TMEM98: variants seen among roughly 807,000 people sequenced by gnomAD.
TMEM98 encodes the protein transmembrane protein 98.
TMEM98 carries 18 observed loss-of-function variants against 25.0 expected under a neutral mutation model. The ratio of observed to expected loss-of-function variants is 0.72; its 90% CI spans 0.50 to 1.07. The LOEUF is 1.07. Ranked by LOEUF, TMEM98 falls within the 50% of genes least tolerant of loss-of-function variation. The probability of loss-of-function intolerance (pLI) is 0.00; values close to 1 mark genes in which losing one functional copy is unlikely to be tolerated. For missense variants in TMEM98, 241 were observed against 289.0 expected, an observed-to-expected ratio of 0.83 and a Z score of 1.20; for synonymous variants, 103 against 112.4, an observed-to-expected ratio of 0.92 and a Z score of 0.53.
rs771397935 is a variant in TMEM98, at chr17:32,931,672, A to G, written c.131+13A>G. On this transcript the variant is annotated intron_variant, in intron 3 of 7. Transcript: ENST00000579849. ...GCTATGATTCTAAGTGAGTGAGCCT[A>G]TGGAGGGCAAGGAGGAGGGGTGGGC... The G allele has an allele frequency of 1.7e-5, 27 of 1,603,234 alleles. No individual in the cohort carries two copies. In the South Asian group the frequency reaches 2.4e-4, roughly 14 times the overall value.
chr17:32,931,646 C>T lies in TMEM98; in HGVS notation c.118C>T (p.Arg40Cys), dbSNP rs766488068. Residue 40 changes from arginine to cysteine, a missense_variant, in exon 3 of 8, where the codon CGC (arginine) becomes TGC (cysteine). By Grantham distance (180) the Arg-to-Cys change is radical. Transcript: ENST00000579849. ...RYCRPRDLLQRYDSKPIVDLI... is the reference protein window; with the variant it reads ...RYCRPRDLLQCYDSKPIVDLI... ...CTGCCGGCCGCGAGACCTGCTGCAG[C>T]GCTATGATTCTAAGTGAGTGAGCCT... is the stretch of plus-strand genomic sequence containing the variant. 21 of 1,605,324 alleles carry T rather than the reference C, an allele frequency of 1.3e-5. No individual in the cohort carries two copies. The highest frequency in any genetic ancestry group is 2.7e-5 in the African/African-American group (2 of 74,844).
intron 6 of TMEM98, 138 bp downstream of exon 6, chr17:32,936,585 A>G (rs1425509090): frequency 1.4e-6 from 1 of 724,896 alleles, no homozygotes; most frequent in Non-Finnish European, 2.3e-6. Context: ...ACACATTTAC[A>G]GAGTGACCAG....
chr17:32,931,875 A>C (rs1472759850), intron 3 of TMEM98, among the ~76,000 whole-genome samples: 1 of 152,146 alleles, frequency 6.6e-6, no homozygotes, highest in Non-Finnish European at 1.5e-5. Flanking sequence ...CTGAGCCAAG[A>C]AGAAAGTCAC....
In TMEM98 at chr17:32,942,748, G is replaced by A. The variant is rs986471992; in HGVS notation, c.*1755G>A. On this transcript the variant is annotated 3_prime_UTR_variant, in exon 8 of 8. Transcript: ENST00000579849. Reference sequence around the variant, plus strand: ...AAAACGTTAAGTGGTGAACTTTCCCGTCCTGTCAAGCTGTGAATGGGGAAT... The same window carrying A: ...AAAACGTTAAGTGGTGAACTTTCCCATCCTGTCAAGCTGTGAATGGGGAAT... The A allele has an allele frequency of 3.3e-5, 5 of 152,134 alleles. No homozygotes were observed. Among genetic ancestry groups the A allele is most frequent in the African/African-American group, 7.2e-5 (3 of 41,416 alleles). 9.4% of individuals were successfully genotyped at this position (152,134 alleles called of 1,614,324 possible).
rs2091533074 is a variant in TMEM98, at chr17:32,941,934, T to C, written c.*941T>C. ...GGGCATGGTGACACGTGCGGCTGCT[T>C]GGTAGGCTGAGGTGGGAGGATCGCT... is the stretch of plus-strand genomic sequence containing the variant. On this transcript the variant is annotated 3_prime_UTR_variant, in exon 8 of 8. Coordinates refer to ENST00000579849, the MANE Select transcript of TMEM98 (RefSeq NM_015544.3). The C allele has an allele frequency of 6.6e-6, 1 of 152,122 alleles. No homozygotes were observed. Among genetic ancestry groups the C allele is most frequent in the Non-Finnish European group, 1.5e-5 (1 of 68,098 alleles). The allele number at this position is 152,122 out of a possible 1,614,324, so 9.4% of individuals were successfully genotyped here. A position where few individuals can be genotyped will look rare whatever the true frequency, so the allele number is the denominator to read the frequency against.
chr17:32,939,378 G>T (rs1567698820), intron 6 of TMEM98, 99 bp from the exon 7 acceptor site: 1 of 1,324,590 alleles, frequency 7.5e-7, no homozygotes, highest in East Asian at 2.5e-5. Context: ...CTGCACTCCA[G>T]CCTGGGTGAC....
rs376998715 is a variant in TMEM98 at position 32,936,430 on chromosome 17, C to T, written c.396C>T (p.Ala132=). The change falls in exon 6 of 8, where the codon GCC becomes GCT. Residue 132 remains alanine, a synonymous_variant. Coordinates refer to ENST00000579849, the MANE Select transcript of TMEM98 (RefSeq NM_015544.3). ...SASVSDIIVV[A]KRISPRVDDV... is the part of the protein sequence containing the mutation. ...GTGTCAGCGACATCATTGTGGTGGC[C>T]AAGCGGATCAGCCCCAGGTGAGCAA... 6.8e-6 allele frequency: 11 copies of T among 1,614,058 alleles called. No homozygotes were observed. The highest frequency in any genetic ancestry group is 9.3e-6 in the Non-Finnish European group (11 of 1,180,020).
Position 32,933,303 on chromosome 17 carries a change from C to T in TMEM98, c.261C>T (p.Ala87=), listed in dbSNP as rs1338583450. 6.2e-7 allele frequency: 1 copy of T among 1,614,116 alleles called. No individual in the cohort carries two copies. Among genetic ancestry groups the T allele is most frequent in the Non-Finnish European group, 8.5e-7 (1 of 1,179,972 alleles). Residue 87 remains alanine, a splice_region_variant and synonymous_variant, in exon 4 of 8, where the codon GCC becomes GCT. Transcript: ENST00000579849. The part of the protein sequence containing the change: ...ILENEDWIED[A]SGLMSHCIAI... The stretch of plus-strand genomic sequence containing the variant: ...AGAATGAAGACTGGATCGAAGATGC[C>T]TCGTAAGGCCATGGGAACTGTTTGC...
intron 1 of TMEM98, among the ~76,000 whole-genome samples, chr17:32,930,041 G>A (rs1191571786): frequency 6.6e-6 from 1 of 152,084 alleles, no homozygotes; most frequent in Non-Finnish European, 1.5e-5. Context: ...GTGACCGAGA[G>A]CGTTTGGACC....
chr17:32,934,233 G>C, intron 4 of TMEM98, 58 bp from the exon 5 acceptor site: 1 of 1,592,802 alleles, frequency 6.3e-7, no homozygotes, highest in Non-Finnish European at 8.6e-7. Flanking sequence ...AAGGGTGGGA[G>C]CTGGAGGGTG....
rs376141457 is a variant in TMEM98, at chr17:32,935,007, T to C, written c.297+683T>C. On this transcript the variant is annotated intron_variant, in intron 5 of 7. Coordinates refer to ENST00000579849, the MANE Select transcript of TMEM98 (RefSeq NM_015544.3). ...TGAAATATTTGGCCAGTTGCAAATA[T>C]CAGGGTTTTTTTTTTTACATCAGTA... Among the ~76,000 whole-genome samples the C allele has an allele frequency of 1.5e-4, 23 of 152,206 alleles. No homozygotes were observed. In the East Asian group the frequency reaches 3.9e-3, roughly 25 times the overall value.
At position 32,940,863 on chromosome 17, in the gene TMEM98, A is replaced by G. The variant is rs770207622; in HGVS notation, c.551A>G (p.Asp184Gly). Residue 184 changes from aspartate (D) to glycine (G), a missense_variant, in exon 8 of 8, where the codon GAC (aspartate) becomes GGC (glycine). By Grantham distance (94) the Asp-to-Gly change is moderately conservative (BLOSUM62 -1). Coordinates refer to ENST00000579849, the MANE Select transcript of TMEM98 (RefSeq NM_015544.3). ...GCCTGCCATCTGACGGGAGGCCTGG[A>G]CTGGATTGACCAGTCTCTGTCGGCT... ...RNACHLTGGL[D>G]WIDQSLSAAE... 6.2e-6 allele frequency: 10 copies of G among 1,614,162 alleles called. No homozygotes were observed. The highest frequency in any genetic ancestry group is 7.6e-6 in the Non-Finnish European group (9 of 1,180,020).
rs1477590119 is a variant in TMEM98 at position 32,928,161 on chromosome 17, C to G, written c.-207C>G. ...CCGCGGCGCTTCCCGGCATGCTCCG[C>G]TGCAGGCCCGCGCCCGCGCCCGGAC... On this transcript the variant is annotated 5_prime_UTR_variant, in exon 1 of 8. Coordinates refer to ENST00000579849, the MANE Select transcript of TMEM98 (RefSeq NM_015544.3). 1 of 148,606 alleles carries G rather than the reference C, an allele frequency of 6.7e-6. No homozygotes were observed. The highest frequency in any genetic ancestry group is 2.0e-4 in the East Asian group (1 of 5,056). The allele number at this position is 148,606 out of a possible 1,614,324, so 9.2% of individuals were successfully genotyped here. A position where few individuals can be genotyped will look rare whatever the true frequency, so the allele number is the denominator to read the frequency against.
chr17:32,932,800 C>T (rs969653006), intron 3 of TMEM98, among the ~76,000 whole-genome samples: 13 of 152,166 alleles, frequency 8.5e-5, no homozygotes, highest in South Asian at 2.1e-4. Flanking sequence ...TAGGAACCAC[C>T]GCCTCTCTGT....
chr17:32,929,005 A>G lies in TMEM98; in HGVS notation c.-131+768A>G, dbSNP rs112748620. On this transcript the variant is annotated intron_variant, in intron 1 of 7. Coordinates refer to ENST00000579849, the MANE Select transcript of TMEM98 (RefSeq NM_015544.3). Reference sequence around the variant, plus strand: ...GAGAAACAGTTCACACTCGCTCAGAAGCACACTCAGCTCACACACACAAGC... The same window carrying G: ...GAGAAACAGTTCACACTCGCTCAGAGGCACACTCAGCTCACACACACAAGC... Among the ~76,000 whole-genome samples the G allele has an allele frequency of 2.0e-5, 3 of 151,370 alleles. No homozygotes were observed. The East Asian group carries it at 5.8e-4, about 29-fold the overall frequency.
chr17:32,939,572 T>G (rs779621101), intron 7 of TMEM98, 36 bp downstream of exon 7: 6 of 1,612,706 alleles, frequency 3.7e-6, no homozygotes, highest in Non-Finnish European at 3.4e-6. Context: ...CGGTTTTTCA[T>G]GCAGAGGTCC....
At chr17:32,931,703 C>T in intron 3 of TMEM98, 44 bp downstream of exon 3, 1 of 1,579,712 alleles carries the variant, frequency 6.3e-7, no homozygotes, top group Middle Eastern at 1.7e-4. Context: ...TGGGCTCTAA[C>T]TAAAGAAAAA....
intron 4 of TMEM98, among the ~76,000 whole-genome samples, chr17:32,933,518 G>A (rs1035288479): frequency 6.6e-6 from 1 of 152,144 alleles, no homozygotes; most frequent in African/African-American, 2.4e-5. Flanking sequence ...TGAACACTGC[G>A]GCCTATAGTT....
intron 3 of TMEM98, among the ~76,000 whole-genome samples, chr17:32,932,515 T>C (rs2091475371): frequency 6.6e-6 from 1 of 152,220 alleles, no homozygotes. Flanking sequence ...TAACCCTTAG[T>C]TTTTCTTATC....
Sources: gnomAD v4.1 joint callset for allele counts (sites outside exome capture counted in the v4.1 genomes callset) on GRCh38, gnomAD v4.1.1 for gene constraint, MANE v1.5 for transcripts, NCBI Gene and HGNC (gene_info 2026-07-23, HGNC 2026-07-21) for gene names.